The following KCNH8 variants were observed in gnomAD, a reference collection of about 807,000 sequenced individuals.
The protein encoded by KCNH8 is potassium voltage-gated channel subfamily H member 8.
A neutral mutation model predicts 103.6 loss-of-function variants in KCNH8; 70 were observed. That is an observed-to-expected ratio of 0.68 (90% confidence interval 0.56 to 0.82). The LOEUF (loss-of-function observed/expected upper bound fraction) is 0.82, where lower values mean the gene tolerates loss of function less well. Ranked by LOEUF, KCNH8 falls within the 40% of genes least tolerant of loss-of-function variation. The pLI is 0.00. For missense variants in KCNH8, 1,217 were observed against 1,329.9 expected, an observed-to-expected ratio of 0.92 and a Z score of 1.32; for synonymous variants, 498 against 489.4, an observed-to-expected ratio of 1.02 and a Z score of -0.23.
intron 5 of KCNH8, among the ~76,000 whole-genome samples, chr3:19,375,086 G>C (rs1198850901): frequency 6.6e-6 from 1 of 151,226 alleles, no homozygotes; most frequent in Non-Finnish European, 1.5e-5. Context: ...TATGTGTCTT[G>C]GAGTTGCTCT....
At chr3:19,341,290 G>A (rs780275541) in intron 3 of KCNH8, among the ~76,000 whole-genome samples, 3 of 151,954 alleles carry the variant, frequency 2.0e-5, no homozygotes, top group South Asian at 2.1e-4. Flanking sequence ...CTCCTTCAAC[G>A]CCTAAGATCA....
intron 1 of KCNH8, among the ~76,000 whole-genome samples, chr3:19,216,382 G>A (rs775127639): frequency 1.3e-5 from 2 of 152,208 alleles, no homozygotes; most frequent in Non-Finnish European, 2.9e-5. Flanking sequence ...AACTTTGGAC[G>A]AAATTCAAGT....
chr3:19,491,206 T>TA (rs1325569120), intron 11 of KCNH8, among the ~76,000 whole-genome samples: 3 of 152,116 alleles, frequency 2.0e-5, no homozygotes, highest in Admixed American at 6.5e-5. Flanking sequence ...CTCACGCTTT[T>TA]AAAAAAATGT....
intron 8 of KCNH8, among the ~76,000 whole-genome samples, chr3:19,443,372 T>TTA (rs575413446): frequency 5.6e-4 from 84 of 149,476 alleles, no homozygotes; most frequent in African/African-American, 1.5e-3. Flanking sequence ...AGGTTTTATT[T>TTA]TATATATATA....
At chr3:19,408,221 C>T (rs1046928423) in intron 7 of KCNH8, among the ~76,000 whole-genome samples, 8 of 151,980 alleles carry the variant, frequency 5.3e-5, no homozygotes, top group South Asian at 2.1e-4. Context: ...AAAAGAAGTA[C>T]GTAGACATAG....
At chr3:19,409,193 A>G (rs538556770) in intron 7 of KCNH8, among the ~76,000 whole-genome samples, 22 of 152,326 alleles carry the variant, frequency 1.4e-4, no homozygotes, top group Non-Finnish European at 2.9e-4. Flanking sequence ...CTTACAAGCC[A>G]AGAGAGATTG....
At chr3:19,170,810 A>ATATTTTT (rs1553620146) in intron 1 of KCNH8, among the ~76,000 whole-genome samples, 14 of 75,332 alleles carry the variant, frequency 1.9e-4, no homozygotes, top group African/African-American at 6.7e-4. Context: ...ATATATATAT[A>ATATTTTT]TTTTTTTTTT....
intron 1 of KCNH8, among the ~76,000 whole-genome samples, chr3:19,229,620 C>T (rs1559432647): frequency 6.6e-6 from 1 of 152,344 alleles, no homozygotes; most frequent in East Asian, 1.9e-4. Context: ...ACATTTTCTC[C>T]TAGGCCTCTG....
At chr3:19,324,818 G>A (rs540988766) in intron 3 of KCNH8, among the ~76,000 whole-genome samples, 19 of 142,372 alleles carry the variant, frequency 1.3e-4, no homozygotes, top group South Asian at 2.5e-4. Context: ...ATTCTTCACA[G>A]AACTAGAAAA....
chr3:19,354,846 A>G (rs552603327), intron 5 of KCNH8, among the ~76,000 whole-genome samples: 6 of 152,338 alleles, frequency 3.9e-5, no homozygotes, highest in African/African-American at 1.4e-4. Flanking sequence ...CTAAAACACC[A>G]AAAGCAATGG....
intron 9 of KCNH8, chr3:19,450,907 T>C: frequency 2.1e-6 from 1 of 473,352 alleles, no homozygotes; most frequent in Non-Finnish European, 3.8e-6. Context: ...GTTATATGTT[T>C]TCCTGCTAGA....
Position 19,395,084 on chromosome 3 carries a change from T to G in KCNH8, c.970-20T>G, listed in dbSNP as rs750161969. The G allele has an allele frequency of 1.9e-6, 3 of 1,590,842 alleles. No homozygotes were observed. In the African/African-American group the frequency reaches 4.0e-5, roughly 21 times the overall value. On this transcript the variant is annotated intron_variant, in intron 6 of 15. Transcript: ENST00000328405. ...ATTTAACACATGCACCAAGTTGTGC[T>G]GCTCTGTCTCTTACCACAGGTGTCT...
intron 9 of KCNH8, chr3:19,450,583 A>G (rs1044236623): frequency 4.8e-6 from 2 of 419,954 alleles, no homozygotes; most frequent in African/African-American, 4.0e-5. Context: ...AAAGGAATCA[A>G]TTCTTACGAT....
chr3:19,366,669 A>T (rs187410612), intron 5 of KCNH8, among the ~76,000 whole-genome samples: 1 of 152,110 alleles, frequency 6.6e-6, no homozygotes, highest in South Asian at 2.1e-4. Context: ...TTCTTAAAGT[A>T]TAAAAAAATA....
At chr3:19,377,303 C>G (rs184684319) in intron 5 of KCNH8, among the ~76,000 whole-genome samples, 157 of 152,316 alleles carry the variant, frequency 1.0e-3, no homozygotes, top group Admixed American at 4.2e-3. Flanking sequence ...GATTAACACA[C>G]ACTTTTTTAA....
intron 11 of KCNH8, among the ~76,000 whole-genome samples, chr3:19,496,510 T>G (rs1009980054): frequency 1.3e-5 from 2 of 152,210 alleles, no homozygotes; most frequent in African/African-American, 2.4e-5. Context: ...TATTTGTGTA[T>G]GTTGAACCAA....
intron 1 of KCNH8, among the ~76,000 whole-genome samples, chr3:19,166,006 C>T (rs553164389): frequency 2.8e-4 from 43 of 152,270 alleles, no homozygotes; most frequent in African/African-American, 1.0e-3. Flanking sequence ...TCGTTAATAT[C>T]CCTTTGGCTA....
intron 15 of KCNH8, among the ~76,000 whole-genome samples, chr3:19,524,987 C>T (rs1319734940): frequency 6.6e-6 from 1 of 151,778 alleles, no homozygotes; most frequent in Admixed American, 6.6e-5. Context: ...GGTCGGTTGT[C>T]AGAAGCTGTG....
intron 2 of KCNH8, among the ~76,000 whole-genome samples, chr3:19,274,291 T>A (rs922472960): frequency 1.3e-5 from 2 of 152,166 alleles, no homozygotes; most frequent in South Asian, 2.1e-4. Flanking sequence ...TTAAATATAA[T>A]ACATGCAAGA....
Sources: gnomAD v4.1 joint callset for allele counts (sites outside exome capture counted in the v4.1 genomes callset) on GRCh38, gnomAD v4.1.1 for gene constraint, MANE v1.5 for transcripts, NCBI Gene and HGNC (gene_info 2026-07-23, HGNC 2026-07-21) for gene names.